Variants in TMEM132D observed in about 807,000 individuals in gnomAD.
TMEM132D encodes mature OL transmembrane protein.
TMEM132D carries 21 observed loss-of-function variants against 62.3 expected under a neutral mutation model. The ratio of observed to expected loss-of-function variants is 0.34; its 90% CI spans 0.24 to 0.49. The LOEUF (loss-of-function observed/expected upper bound fraction) is 0.49, where lower values mean the gene tolerates loss of function less well. Ranked by LOEUF, TMEM132D falls within the 20% of genes least tolerant of loss-of-function variation. The pLI, the probability that TMEM132D is intolerant of heterozygous loss-of-function variation, is 0.99. For missense variants in TMEM132D, 1,346 were observed against 1,402.8 expected, an observed-to-expected ratio of 0.96 and a Z score of 0.65; for synonymous variants, 621 against 575.6, an observed-to-expected ratio of 1.08 and a Z score of -1.13.
intron 5 of TMEM132D, among the ~76,000 whole-genome samples, chr12:129,090,099 T>A (rs1874859628): frequency 6.6e-6 from 1 of 152,204 alleles, no homozygotes; most frequent in South Asian, 2.1e-4. Flanking sequence ...AGCTTCCGTC[T>A]CCAGGGTGAT....
intron 4 of TMEM132D, among the ~76,000 whole-genome samples, chr12:129,276,572 G>T (rs370214848): frequency 1.3e-3 from 201 of 152,248 alleles, no homozygotes; most frequent in Admixed American, 3.1e-3. Flanking sequence ...TCGTGCAGGC[G>T]TGTGATACAT....
intron 1 of TMEM132D, among the ~76,000 whole-genome samples, chr12:129,781,727 G>A (rs867207496): frequency 6.6e-6 from 1 of 152,304 alleles, no homozygotes. Context: ...TACATGAGTT[G>A]CTTCTCACAT....
rs527450133 is a variant in TMEM132D at position 129,278,069 on chromosome 12, C to T, written c.1299+59565G>A. Among the ~76,000 whole-genome samples, 11 of 152,294 alleles carry T rather than the reference C, an allele frequency of 7.2e-5. No homozygotes were observed. The South Asian group carries it at 2.3e-3, about 32-fold the overall frequency. Reference sequence around the variant, plus strand: ...GATGAGTCTTCTCAAAGACAGACCTCGTCTTCAGCCAGCTAGGGTCTGGTT... The same window carrying T: ...GATGAGTCTTCTCAAAGACAGACCTTGTCTTCAGCCAGCTAGGGTCTGGTT... On this transcript the variant is annotated intron_variant, in intron 4 of 8. Coordinates refer to ENST00000422113, the MANE Select transcript of TMEM132D (RefSeq NM_133448.3).
At chr12:129,258,309 AATTATT>A (rs1189250737) in intron 4 of TMEM132D, among the ~76,000 whole-genome samples, 1 of 152,034 alleles carries the variant, frequency 6.6e-6, no homozygotes, top group Admixed American at 6.6e-5. Context: ...TAGCAAAGAT[AATTATT>A]ATTATTATAA....
intron 2 of TMEM132D, among the ~76,000 whole-genome samples, chr12:129,575,169 T>C (rs1408332932): frequency 2.0e-5 from 3 of 151,858 alleles, no homozygotes; most frequent in African/African-American, 4.9e-5. Flanking sequence ...AGCGTTCTCT[T>C]TTCTCTAGCT....
chr12:129,110,597 G>A (rs989949942), intron 5 of TMEM132D: 1 of 152,184 alleles, frequency 6.6e-6, no homozygotes, highest in Non-Finnish European at 1.5e-5. Context: ...CACAATCCAC[G>A]AGTAAGCACC....
At chr12:129,323,417 C>CAT (rs1374171430) in intron 4 of TMEM132D, among the ~76,000 whole-genome samples, 2 of 116,396 alleles carry the variant, frequency 1.7e-5, no homozygotes, top group Non-Finnish European at 3.8e-5. Flanking sequence ...GAAAAACAAA[C>CAT]AGAAAAAAAA....
chr12:129,568,879 G>C (rs1877437232), intron 2 of TMEM132D, among the ~76,000 whole-genome samples: 1 of 152,054 alleles, frequency 6.6e-6, no homozygotes, highest in South Asian at 2.1e-4. Flanking sequence ...GTATAAATAG[G>C]GGCACAATCT....
Position 129,286,281 on chromosome 12 carries a change from C to G in TMEM132D, c.1299+51353G>C, listed in dbSNP as rs1370898173. Among the ~76,000 whole-genome samples the G allele has an allele frequency of 2.0e-5, 3 of 152,148 alleles. No individual in the cohort carries two copies. In the South Asian group the frequency reaches 6.2e-4, roughly 32 times the overall value. On this transcript the variant is annotated intron_variant, in intron 4 of 8. Transcript: ENST00000422113. ...AAAATATACGTGGGCATTGGTGTTTCATGTATGGTGTTTAATAAAATTCAG... is the reference window on the plus strand; with the variant it reads ...AAAATATACGTGGGCATTGGTGTTTGATGTATGGTGTTTAATAAAATTCAG...
chr12:129,338,713 A>G lies in TMEM132D; in HGVS notation c.1116-896T>C, dbSNP rs1593342808. 2.6e-5 allele frequency among the ~76,000 whole-genome samples: 4 copies of G among 152,308 alleles called. 1 individual carries two copies. The South Asian group carries it at 8.3e-4, about 32-fold the overall frequency. On this transcript the variant is annotated intron_variant, in intron 3 of 8. Transcript: ENST00000422113. The stretch of plus-strand genomic sequence containing the variant: ...ACGTCTACGTGTCAGATCTATTTCT[A>G]AAAGATTTGAATTTTACACCTTTGA...
chr12:129,144,033 A>G (rs1876819561), intron 5 of TMEM132D, among the ~76,000 whole-genome samples: 1 of 151,902 alleles, frequency 6.6e-6, no homozygotes, highest in Admixed American at 6.6e-5. Flanking sequence ...TTCTTGCGGG[A>G]CCCTTATCTG....
chr12:129,758,550 C>T (rs1004462191), intron 1 of TMEM132D, among the ~76,000 whole-genome samples: 2 of 152,154 alleles, frequency 1.3e-5, no homozygotes, highest in Admixed American at 1.3e-4. Context: ...CAAGAGTATT[C>T]CAAAGTGCCT....
chr12:129,101,207 G>A (rs1420699354), intron 5 of TMEM132D, among the ~76,000 whole-genome samples: 1 of 152,228 alleles, frequency 6.6e-6, no homozygotes, highest in African/African-American at 2.4e-5. Context: ...GCTCTGCAGT[G>A]CCCATGGCCC....
chr12:129,640,886 T>C (rs1879625859), intron 2 of TMEM132D, among the ~76,000 whole-genome samples: 1 of 152,098 alleles, frequency 6.6e-6, no homozygotes, highest in South Asian at 2.1e-4. Flanking sequence ...GTGCCAACCC[T>C]ACTGTGAACT....
intron 5 of TMEM132D, chr12:129,110,006 G>A (rs1264544289): frequency 6.6e-6 from 1 of 152,254 alleles, no homozygotes; most frequent in Non-Finnish European, 1.5e-5. Context: ...CTCCATGCAA[G>A]GCTCCTCTAT....
intron 3 of TMEM132D, among the ~76,000 whole-genome samples, chr12:129,375,182 C>T (rs2135683197): frequency 6.6e-6 from 1 of 152,326 alleles, no homozygotes; most frequent in African/African-American, 2.4e-5. Flanking sequence ...CCACTTTATG[C>T]AAGGGAGATG....
chr12:129,159,216 T>C (rs1877329575), intron 5 of TMEM132D, among the ~76,000 whole-genome samples: 1 of 152,198 alleles, frequency 6.6e-6, no homozygotes, highest in East Asian at 1.9e-4. Context: ...AGTGGAGTTT[T>C]AATTCAGTGA....
intron 2 of TMEM132D, among the ~76,000 whole-genome samples, chr12:129,599,526 T>A (rs1043833909): frequency 3.3e-5 from 5 of 152,166 alleles, no homozygotes; most frequent in Admixed American, 1.3e-4. Flanking sequence ...CTGTCACATT[T>A]TAAACATAAC....
At chr12:129,612,791 T>C (rs155728) in intron 2 of TMEM132D, among the ~76,000 whole-genome samples, 107,422 of 151,956 alleles carry the variant, frequency 0.71, 38,415 homozygotes, top group Middle Eastern at 0.8. Context: ...CTGGGCTTTT[T>C]GGAAGGCAGA....
Sources: allele counts gnomAD v4.1 joint callset (sites outside exome capture counted in the v4.1 genomes callset), GRCh38; gene constraint gnomAD v4.1.1; transcripts MANE v1.5; gene names NCBI Gene and HGNC (gene_info 2026-07-23, HGNC 2026-07-21).